Variants in ATP9B observed in about 807,000 individuals in gnomAD.
ATP9B encodes probable phospholipid-transporting ATPase IIB.
ATP9B carries 110 observed loss-of-function variants against 146.1 expected under a neutral mutation model. That is an observed-to-expected ratio of 0.75 (90% CI 0.65 to 0.88). The LOEUF (loss-of-function observed/expected upper bound fraction) is 0.88. Among genes scored for constraint, ATP9B ranks in the 40% least tolerant of loss-of-function variants. The pLI is 0.00. For missense variants in ATP9B, 1,499 were observed against 1,496.4 expected (o/e 1.00, Z -0.03); for synonymous variants, 604 against 569.7 (o/e 1.06, Z -0.86).
chr18:79,368,626 A>C lies in ATP9B; in HGVS notation c.3013-4199A>C, dbSNP rs1028279495. ...ATTTTATATTCTAAGAGATGTATTT[A>C]ATGAAATTGAGCTTATCCATGTAAG... On this transcript the variant is annotated intron_variant, in intron 26 of 29. Transcript: ENST00000426216. Among the ~76,000 whole-genome samples the C allele has an allele frequency of 5.3e-5, 8 of 152,236 alleles. No individual in the cohort carries two copies. In the South Asian group the frequency reaches 1.7e-3, roughly 32 times the overall value.
At chr18:79,085,590 A>G (rs1233222351) in intron 1 of ATP9B, 1 of 152,190 alleles carries the variant, frequency 6.6e-6, no homozygotes, top group African/African-American at 2.4e-5. Flanking sequence ...AAAATAAGGT[A>G]TTTGTTAAAT....
chr18:79,102,886 C>T (rs185456131), intron 2 of ATP9B, among the ~76,000 whole-genome samples: 1 of 152,182 alleles, frequency 6.6e-6, no homozygotes, highest in Non-Finnish European at 1.5e-5. Flanking sequence ...TTGGAGTGAT[C>T]GTAAATGGTT....
intron 9 of ATP9B, among the ~76,000 whole-genome samples, chr18:79,201,951 C>T (rs548066520): frequency 1.1e-4 from 16 of 152,012 alleles, no homozygotes; most frequent in Admixed American, 3.3e-4. Context: ...ATGTGGGAGG[C>T]GGATGTGGGA....
chr18:79,180,346 C>T (rs1395999602), intron 8 of ATP9B, among the ~76,000 whole-genome samples: 1 of 152,110 alleles, frequency 6.6e-6, no homozygotes, highest in Non-Finnish European at 1.5e-5. Context: ...TTCCATTTGG[C>T]TAATTAGCTA....
At chr18:79,284,214 A>G (rs191132302) in intron 13 of ATP9B, among the ~76,000 whole-genome samples, 1 of 152,234 alleles carries the variant, frequency 6.6e-6, no homozygotes, top group African/African-American at 2.4e-5. Flanking sequence ...AGACTTGGAA[A>G]TGTTTTTTAA....
chr18:79,250,249 C>T (rs937434325), intron 11 of ATP9B, among the ~76,000 whole-genome samples: 1 of 152,164 alleles, frequency 6.6e-6, no homozygotes, highest in Non-Finnish European at 1.5e-5. Flanking sequence ...TTCCTCACTG[C>T]TATGTTGCAG....
intron 6 of ATP9B, among the ~76,000 whole-genome samples, chr18:79,147,376 A>G (rs1218577956): frequency 6.6e-6 from 1 of 152,242 alleles, no homozygotes; most frequent in African/African-American, 2.4e-5. Flanking sequence ...CGTACCTGTC[A>G]GTAGGAGAGA....
chr18:79,303,608 C>G lies in ATP9B; in HGVS notation c.1416C>G (p.Thr472=), dbSNP rs373609399. ...LVYLLTDKTG[T]LTQNEMIFKR... is the part of the protein sequence containing the mutation. The stretch of plus-strand genomic sequence containing the variant: ...CTGTTGTCCCCTTTATCCTAGGAAC[C>G]CTCACCCAGAATGAAATGATATTTA... Residue 472 remains threonine, a synonymous_variant, in exon 14 of 30, where the codon ACC becomes ACG. Coordinates refer to ENST00000426216, the MANE Select transcript of ATP9B (RefSeq NM_198531.5). The G allele has an allele frequency of 5.6e-6, 9 of 1,613,754 alleles. No individual in the cohort carries two copies. The African/African-American group carries it at 9.3e-5, about 17-fold the overall frequency.
chr18:79,290,996 C>T (rs542106084), intron 13 of ATP9B, among the ~76,000 whole-genome samples: 95 of 152,142 alleles, frequency 6.2e-4, no homozygotes, highest in African/African-American at 2.1e-3. Context: ...ATATGTGGTC[C>T]GAAACCTCTG....
chr18:79,126,160 T>G, intron 4 of ATP9B, 107 bp from the exon 5 acceptor site: 1 of 845,984 alleles, frequency 1.2e-6, no homozygotes, highest in South Asian at 1.9e-5. Context: ...ATTTTATGTT[T>G]TAGAGAGTAA....
chr18:79,290,524 T>G (rs890795316), intron 13 of ATP9B, among the ~76,000 whole-genome samples: 10 of 152,232 alleles, frequency 6.6e-5, no homozygotes, highest in African/African-American at 2.4e-4. Flanking sequence ...CTGTCACCCC[T>G]TTCTTTGACT....
intron 13 of ATP9B, among the ~76,000 whole-genome samples, chr18:79,290,130 A>G (rs1001634430): frequency 6.6e-6 from 1 of 152,160 alleles, no homozygotes; most frequent in Admixed American, 6.5e-5. Context: ...TGGGAGAACC[A>G]CTGCTCTCTT....
intron 11 of ATP9B, among the ~76,000 whole-genome samples, chr18:79,218,339 GC>G (rs1165137662): frequency 2.1e-5 from 3 of 143,916 alleles, no homozygotes; most frequent in African/African-American, 5.3e-5. Flanking sequence ...TCCAGGTCTG[GC>G]CAGGCTGGCA....
At chr18:79,305,840 C>G (rs534693913) in intron 14 of ATP9B, among the ~76,000 whole-genome samples, 8 of 152,186 alleles carry the variant, frequency 5.3e-5, no homozygotes, top group South Asian at 2.1e-4. Flanking sequence ...ACTAAGATGA[C>G]AGGAGTCTAG....
At chr18:79,200,495 GC>G (rs1341374837) in intron 9 of ATP9B, among the ~76,000 whole-genome samples, 1 of 152,142 alleles carries the variant, frequency 6.6e-6, no homozygotes, top group Non-Finnish European at 1.5e-5. Context: ...GGGACTTAAG[GC>G]AGCAGGATGG....
chr18:79,223,538 T>C (rs910012082), intron 11 of ATP9B, among the ~76,000 whole-genome samples: 1 of 152,162 alleles, frequency 6.6e-6, no homozygotes, highest in Non-Finnish European at 1.5e-5. Flanking sequence ...TTGGGATGCT[T>C]TTTTTGGGAT....
intron 2 of ATP9B, among the ~76,000 whole-genome samples, chr18:79,107,420 T>G (rs1472277904): frequency 6.6e-6 from 1 of 152,192 alleles, no homozygotes; most frequent in Non-Finnish European, 1.5e-5. Context: ...GGTCCAGGCC[T>G]GGGTACTCTT....
Position 79,307,028 on chromosome 18 carries a change from C to T in ATP9B, c.1567C>T (p.Leu523=). 5 of 1,614,186 alleles carry T rather than the reference C, an allele frequency of 3.1e-6. No homozygotes were observed. The highest frequency in any genetic ancestry group is 1.1e-5 in the South Asian group (1 of 91,086). ...TGGAAACAATACTGGTTCAACTCCA[C>T]TAAGAAAAGCCCAATCTTCAGCTCC... ...AGGNNTGSTP[L]RKAQSSAPKV... Residue 523 remains leucine, a synonymous_variant, in exon 15 of 30, where the codon CTA becomes TTA. Coordinates refer to ENST00000426216, the MANE Select transcript of ATP9B (RefSeq NM_198531.5).
At chr18:79,171,950 G>A (rs542431181) in intron 7 of ATP9B, among the ~76,000 whole-genome samples, 53 of 151,788 alleles carry the variant, frequency 3.5e-4, no homozygotes, top group African/African-American at 1.2e-3. Context: ...GTGCTATGGC[G>A]CGATCTCAGC....
Sources: gnomAD v4.1 joint callset for allele counts (sites outside exome capture counted in the v4.1 genomes callset) on GRCh38, gnomAD v4.1.1 for gene constraint, MANE v1.5 for transcripts, NCBI Gene and HGNC (gene_info 2026-07-23, HGNC 2026-07-21) for gene names.